Variants in FRMD4A observed in about 807,000 individuals in gnomAD.
FRMD4A encodes FERM domain containing 4A, also known as FERM domain-containing protein 4A.
A neutral mutation model predicts 129.1 loss-of-function variants in FRMD4A; 29 were observed. That is an observed-to-expected ratio of 0.22 (90% CI 0.17 to 0.31). The LOEUF (loss-of-function observed/expected upper bound fraction) is 0.31, where lower values mean the gene tolerates loss of function less well. Among genes scored for constraint, FRMD4A ranks in the 10% least tolerant of loss-of-function variants. FRMD4A has a pLI of 1.00. For synonymous variants in FRMD4A, 634 were observed against 571.6 expected (o/e 1.11, Z -1.56); for missense variants, 1,272 against 1,375.8 (o/e 0.92, Z 1.19).
chr10:13,707,002 C>A (rs769592831), intron 13 of FRMD4A, 35 bp downstream of exon 13: 12 of 1,117,972 alleles, frequency 1.1e-5, no homozygotes, highest in Non-Finnish European at 1.5e-5. Flanking sequence ...CCGAGAGCCA[C>A]GCCATCCCGC....
intron 2 of FRMD4A, among the ~76,000 whole-genome samples, chr10:14,130,271 A>G (rs992328220): frequency 6.6e-6 from 1 of 152,120 alleles, no homozygotes; most frequent in Non-Finnish European, 1.5e-5. Context: ...TAATTTGTTA[A>G]TTTTTTGTAC....
intron 13 of FRMD4A, among the ~76,000 whole-genome samples, chr10:13,704,458 C>A (rs749168346): frequency 2.0e-5 from 3 of 152,128 alleles, no homozygotes; most frequent in Non-Finnish European, 2.9e-5. Flanking sequence ...ATTTGTTTAT[C>A]CTAATTGAGA....
At chr10:13,883,841 G>A (rs2094573705) in intron 2 of FRMD4A, among the ~76,000 whole-genome samples, 1 of 152,180 alleles carries the variant, frequency 6.6e-6, no homozygotes, top group African/African-American at 2.4e-5. Flanking sequence ...AGTCTTGGAT[G>A]CAGATATAAT....
chr10:14,300,205 C>T (rs190932831), intron 2 of FRMD4A, among the ~76,000 whole-genome samples: 2 of 152,236 alleles, frequency 1.3e-5, no homozygotes, highest in African/African-American at 2.4e-5. Context: ...TCTCGAGTCC[C>T]CAGGTCTTCT....
intron 2 of FRMD4A, among the ~76,000 whole-genome samples, chr10:13,894,505 C>A (rs537910620): frequency 1.3e-5 from 2 of 152,346 alleles, no homozygotes; most frequent in African/African-American, 4.8e-5. Flanking sequence ...ATCCGCGGAT[C>A]ACCCAGTAGC....
chr10:13,796,383 G>C, intron 5 of FRMD4A, 113 bp downstream of exon 5: 1 of 697,216 alleles, frequency 1.4e-6, no homozygotes, highest in East Asian at 2.5e-5. Context: ...CTTTATCCCT[G>C]GCAATGAACC....
intron 2 of FRMD4A, among the ~76,000 whole-genome samples, chr10:14,322,452 T>C (rs1186642201): frequency 6.6e-6 from 1 of 152,208 alleles, no homozygotes; most frequent in Non-Finnish European, 1.5e-5. Context: ...GCATTTGGAC[T>C]TGCAGTTACT....
At position 14,096,129 on chromosome 10, in the gene FRMD4A, T is replaced by A. The variant is rs562938806; in HGVS notation, c.45+233929A>T. On this transcript the variant is annotated intron_variant, in intron 2 of 24. Transcript: ENST00000357447. ...TTCCCAACACGTGGGTATTAAGAAG[T>A]GAGACTTTCGGGGCTGATTAGATCA... is the stretch of plus-strand genomic sequence containing the variant. Among the ~76,000 whole-genome samples the A allele has an allele frequency of 2.0e-5, 3 of 152,304 alleles. No homozygotes were observed. In the East Asian group the frequency reaches 5.8e-4, roughly 29 times the overall value.
intron 2 of FRMD4A, among the ~76,000 whole-genome samples, chr10:13,965,254 A>C (rs1379696889): frequency 1.3e-5 from 2 of 152,124 alleles, no homozygotes; most frequent in Non-Finnish European, 1.5e-5. Flanking sequence ...CACCTTGTTC[A>C]TGAAGGACTA....
At chr10:14,224,755 A>C (rs901064451) in intron 2 of FRMD4A, among the ~76,000 whole-genome samples, 1 of 152,166 alleles carries the variant, frequency 6.6e-6, no homozygotes, top group African/African-American at 2.4e-5. Flanking sequence ...TTGATGACAG[A>C]CTATGTTAAG....
rs116578380 is a variant in FRMD4A at position 14,055,311 on chromosome 10, C to G, written c.46-196399G>C. Among the ~76,000 whole-genome samples, 554 of 152,252 alleles carry G rather than the reference C, an allele frequency of 3.6e-3. 4 individuals are homozygous for G. The highest frequency in any genetic ancestry group is 0.013 in the African/African-American group (531 of 41,536). Reference sequence around the variant, plus strand: ...CTTTGGTGGATCTGGTCTTTCCAGACGCAGTCTTCATCCTCACGTCTTTAT... The same window carrying G: ...CTTTGGTGGATCTGGTCTTTCCAGAGGCAGTCTTCATCCTCACGTCTTTAT... On this transcript the variant is annotated intron_variant, in intron 2 of 24. Transcript: ENST00000357447.
At chr10:13,964,467 G>C (rs927002728) in intron 2 of FRMD4A, among the ~76,000 whole-genome samples, 16 of 149,154 alleles carry the variant, frequency 1.1e-4, no homozygotes, top group Admixed American at 8.1e-4. Flanking sequence ...CGTGGAGCTG[G>C]AGGCAGGGTG....
At chr10:13,728,815 G>A (rs994418844) in intron 12 of FRMD4A, among the ~76,000 whole-genome samples, 148 of 151,808 alleles carry the variant, frequency 9.7e-4, no homozygotes, top group African/African-American at 3.4e-3. Context: ...CAAGTGATCC[G>A]CCCGTCTCAG....
chr10:13,802,833 T>C (rs1344778146), intron 4 of FRMD4A, among the ~76,000 whole-genome samples: 2 of 152,050 alleles, frequency 1.3e-5, no homozygotes, highest in African/African-American at 2.4e-5. Flanking sequence ...GCTCTTCAAA[T>C]GGAAGAATGT....
intron 2 of FRMD4A, among the ~76,000 whole-genome samples, chr10:14,225,094 A>G (rs1843391951): frequency 6.6e-6 from 1 of 152,238 alleles, no homozygotes; most frequent in Non-Finnish European, 1.5e-5. Flanking sequence ...TAGAATTAGC[A>G]GGAACAGTGA....
intron 2 of FRMD4A, among the ~76,000 whole-genome samples, chr10:14,027,548 A>T (rs1833040551): frequency 6.6e-6 from 1 of 152,226 alleles, no homozygotes; most frequent in Non-Finnish European, 1.5e-5. Flanking sequence ...CCTGGGAGAC[A>T]GAGATTGCAG....
chr10:14,249,169 C>T (rs911244030), intron 2 of FRMD4A, among the ~76,000 whole-genome samples: 10 of 151,976 alleles, frequency 6.6e-5, no homozygotes, highest in East Asian at 5.8e-4. Context: ...TGGCCAGCAT[C>T]GTGAAATGTC....
At chr10:13,768,219 A>G (rs1199147017) in intron 6 of FRMD4A, among the ~76,000 whole-genome samples, 1 of 152,188 alleles carries the variant, frequency 6.6e-6, no homozygotes, top group Non-Finnish European at 1.5e-5. Context: ...TATCAGCAAC[A>G]CCATGCCTAA....
intron 2 of FRMD4A, among the ~76,000 whole-genome samples, chr10:13,949,316 A>AG (rs1200606092): frequency 1.4e-5 from 2 of 146,498 alleles, no homozygotes. Flanking sequence ...AAAAAAAAAA[A>AG]AAGAAAGAAA....
Sources: allele counts gnomAD v4.1 joint callset (sites outside exome capture counted in the v4.1 genomes callset), GRCh38; gene constraint gnomAD v4.1.1; transcripts MANE v1.5; gene names NCBI Gene and HGNC (gene_info 2026-07-23, HGNC 2026-07-21).